Variants in EHMT1 observed in about 807,000 individuals in gnomAD.
EHMT1 encodes euchromatic histone lysine methyltransferase 1.
A neutral mutation model predicts 147.2 loss-of-function variants in EHMT1; 15 were observed. The ratio of observed to expected loss-of-function variants is 0.10; its 90% CI spans 0.07 to 0.16. EHMT1 has a LOEUF of 0.16. EHMT1 is among the 10% of genes least tolerant of loss of function. EHMT1 has a pLI of 1.00. For missense variants in EHMT1, 1,587 were observed against 1,772.4 expected (o/e 0.90, Z 1.88); for synonymous variants, 795 against 709.6 (o/e 1.12, Z -1.91).
intron 1 of EHMT1, among the ~76,000 whole-genome samples, chr9:137,657,084 T>C (rs1456924887): frequency 6.6e-6 from 1 of 152,210 alleles, no homozygotes; most frequent in Admixed American, 6.5e-5. Flanking sequence ...GCAAGGTACC[T>C]GCTCCATGCT....
intron 4 of EHMT1, among the ~76,000 whole-genome samples, chr9:137,740,322 G>A (rs1320258858): frequency 6.6e-5 from 9 of 135,792 alleles, no homozygotes; most frequent in African/African-American, 2.0e-4. Flanking sequence ...CCCCCCCCTC[G>A]CCCCCCTTCT....
At chr9:137,770,906 T>C (rs943887392) in intron 10 of EHMT1, among the ~76,000 whole-genome samples, 1 of 152,244 alleles carries the variant, frequency 6.6e-6, no homozygotes, top group African/African-American at 2.4e-5. Context: ...TTGTTTGTTT[T>C]CCTTAGAGCT....
intron 1 of EHMT1, chr9:137,646,310 GC>G (rs1271313692): frequency 1.0e-6 from 1 of 976,816 alleles, no homozygotes; most frequent in Non-Finnish European, 1.2e-6. Context: ...GATGTCTGTG[GC>G]ATTTCCTGTC....
chr9:137,808,401 G>A (rs751539141), intron 18 of EHMT1, among the ~76,000 whole-genome samples: 2 of 152,164 alleles, frequency 1.3e-5, no homozygotes, highest in Admixed American at 6.5e-5. Flanking sequence ...CCTCTCAGGG[G>A]CACGGTCCTT....
intron 6 of EHMT1, among the ~76,000 whole-genome samples, chr9:137,748,853 G>T (rs182587792): frequency 5.9e-5 from 9 of 152,300 alleles, no homozygotes; most frequent in African/African-American, 2.2e-4. Context: ...CCCTTGTTGT[G>T]TAGTCGACAT....
intron 3 of EHMT1, among the ~76,000 whole-genome samples, chr9:137,717,750 C>G (rs928675136): frequency 1.3e-5 from 2 of 152,176 alleles, no homozygotes; most frequent in African/African-American, 4.8e-5. Context: ...CGTGTCAGAT[C>G]CTTTCAAGGA....
intron 1 of EHMT1, among the ~76,000 whole-genome samples, chr9:137,671,633 T>C (rs1940664568): frequency 6.7e-6 from 1 of 149,520 alleles, no homozygotes; most frequent in Non-Finnish European, 1.5e-5. Flanking sequence ...CAAGCTATTC[T>C]CCCACCACAG....
intron 4 of EHMT1, among the ~76,000 whole-genome samples, chr9:137,730,379 C>G (rs1947000569): frequency 6.6e-6 from 1 of 152,080 alleles, no homozygotes; most frequent in Non-Finnish European, 1.5e-5. Flanking sequence ...TTGATTATTT[C>G]AGTTTCTGCT....
At chr9:137,803,216 A>G (rs1953650857) in intron 18 of EHMT1, 1 of 1,160,514 alleles carries the variant, frequency 8.6e-7, no homozygotes, top group East Asian at 3.9e-5. Context: ...CACTTCATTA[A>G]TTTAACCACT....
intron 15 of EHMT1, chr9:137,788,848 C>T (rs1952244219): frequency 1.3e-5 from 2 of 152,474 alleles, no homozygotes; most frequent in East Asian, 1.9e-4. Flanking sequence ...AGCCGCTCCG[C>T]TTGCGGTGAG....
chr9:137,817,434 T>C lies in EHMT1; in HGVS notation c.3375-5T>C. 3 of 1,614,162 alleles carry C rather than the reference T, an allele frequency of 1.9e-6. No homozygotes were observed. The highest frequency in any genetic ancestry group is 2.5e-6 in the Non-Finnish European group (3 of 1,180,026). On this transcript the variant is annotated splice_region_variant and splice_polypyrimidine_tract_variant and intron_variant, in intron 23 of 26. Coordinates refer to ENST00000460843, the MANE Select transcript of EHMT1 (RefSeq NM_024757.5). The stretch of plus-strand genomic sequence containing the variant: ...CTGGGTTCACCACTACTCTCTATTT[T>C]TCAGGGCAAGGCTGCAGCTCTACCG...
intron 1 of EHMT1, among the ~76,000 whole-genome samples, chr9:137,639,679 A>G (rs1844341352): frequency 6.6e-6 from 1 of 151,902 alleles, no homozygotes; most frequent in Non-Finnish European, 1.5e-5. Context: ...TGGCCTTTTA[A>G]TCTCTTTGTA....
chr9:137,817,328 A>C, intron 23 of EHMT1, 111 bp from the exon 24 acceptor site: 1 of 1,239,752 alleles, frequency 8.1e-7, no homozygotes, highest in Non-Finnish European at 1.2e-6. Context: ...TCGGATACAG[A>C]ACCAGTTTTC....
intron 1 of EHMT1, among the ~76,000 whole-genome samples, chr9:137,625,366 T>C (rs1564515591): frequency 6.6e-6 from 1 of 151,938 alleles, no homozygotes; most frequent in Non-Finnish European, 1.5e-5. Flanking sequence ...GGAGGTTTTT[T>C]GTTGTTGTTG....
intron 16 of EHMT1, among the ~76,000 whole-genome samples, chr9:137,793,056 G>A (rs1176288147): frequency 1.3e-5 from 2 of 152,124 alleles, no homozygotes; most frequent in South Asian, 2.1e-4. Context: ...GTCAGCCCCC[G>A]ATCCAAGGGT....
intron 1 of EHMT1, among the ~76,000 whole-genome samples, chr9:137,625,181 A>G (rs1843178311): frequency 6.6e-6 from 1 of 151,818 alleles, no homozygotes; most frequent in Admixed American, 6.6e-5. Flanking sequence ...CTTGCTGGCA[A>G]GGCCCAATTT....
At chr9:137,711,734 C>T (rs986937296) in intron 2 of EHMT1, among the ~76,000 whole-genome samples, 2 of 152,122 alleles carry the variant, frequency 1.3e-5, no homozygotes, top group Non-Finnish European at 2.9e-5. Flanking sequence ...CCAAGAGCGC[C>T]CCCAGGAAAT....
At chr9:137,694,711 C>T (rs897002262) in intron 1 of EHMT1, among the ~76,000 whole-genome samples, 2 of 152,198 alleles carry the variant, frequency 1.3e-5, no homozygotes, top group Non-Finnish European at 2.9e-5. Context: ...TGGAGACGCG[C>T]CTAGCACACA....
In EHMT1 at chr9:137,792,767, CTT is replaced by C. The variant is rs369391655; in HGVS notation, c.2505+1799_2505+1800del. Among the ~76,000 whole-genome samples the C allele has an allele frequency of 1.5e-3, 223 of 152,300 alleles. 2 individuals carry two copies. The highest frequency in any genetic ancestry group is 0.014 in the Middle Eastern group (4 of 294). Reference sequence around the variant, plus strand: ...ACTTAAGAGCTAAAACCAGAACACTCTTTGAAGAAGACATGGGGGGAAAGCTT... The same window carrying C: ...ACTTAAGAGCTAAAACCAGAACACTCTGAAGAAGACATGGGGGGAAAGCTT... On this transcript the variant is annotated intron_variant, in intron 16 of 26. Coordinates refer to ENST00000460843, the MANE Select transcript of EHMT1 (RefSeq NM_024757.5).
Sources: allele counts gnomAD v4.1 joint callset (sites outside exome capture counted in the v4.1 genomes callset), GRCh38; gene constraint gnomAD v4.1.1; transcripts MANE v1.5; gene names NCBI Gene and HGNC (gene_info 2026-07-23, HGNC 2026-07-21).